AGAP1: variants seen among roughly 807,000 people sequenced by gnomAD.
AGAP1 encodes the protein arf-GAP with GTPase, ANK repeat and PH domain-containing protein 1.
In AGAP1, 29 loss-of-function variants were observed where a neutral mutation model predicts 105.3. That is an observed-to-expected ratio of 0.28 (90% CI 0.21 to 0.38). The LOEUF is 0.38. AGAP1 is among the 10% of genes least tolerant of loss of function. The probability of loss-of-function intolerance (pLI) is 1.00; values close to 1 mark genes in which losing one functional copy is unlikely to be tolerated. For synonymous variants in AGAP1, 509 were observed against 485.9 expected (o/e 1.05, Z -0.63); for missense variants, 998 against 1,165.1 (o/e 0.86, Z 2.09).
rs529191433 is a variant in AGAP1, at chr2:236,012,016, G to A, written c.1646-24545G>A. ...TCTTGTTGAGAAGCTTCTAAACAAG[G>A]GAACTTAGAGCAATCAATGCCCCCG... On this transcript the variant is annotated intron_variant, in intron 13 of 17. Coordinates refer to ENST00000304032, the MANE Select transcript of AGAP1 (RefSeq NM_001037131.3). The surrounding 1 kb of genome is among the most constrained non-coding windows in gnomAD (Gnocchi z 4.9). Among the ~76,000 whole-genome samples, 7 of 152,202 alleles carry A rather than the reference G, an allele frequency of 4.6e-5. No homozygotes were observed. The highest frequency in any genetic ancestry group is 1.3e-4 in the Admixed American group (2 of 15,286).
intron 1 of AGAP1, chr2:235,507,601 G>A (rs885539): frequency 0.61 from 93,063 of 151,868 alleles, 29,209 homozygotes; most frequent in South Asian, 0.72. Flanking sequence ...GCAGGACGCC[G>A]TGTTCAGGGC....
At chr2:235,668,665 C>T (rs937549669) in intron 1 of AGAP1, among the ~76,000 whole-genome samples, 3 of 152,202 alleles carry the variant, frequency 2.0e-5, no homozygotes, top group South Asian at 2.1e-4. Flanking sequence ...AATATTGTGG[C>T]CTCCGATAAC....
intron 7 of AGAP1, among the ~76,000 whole-genome samples, chr2:235,798,776 G>A (rs1047120293): frequency 6.6e-6 from 1 of 151,700 alleles, no homozygotes; most frequent in African/African-American, 2.4e-5. Context: ...GGCTGAGGTG[G>A]GGGGATCACC....
rs1446196686 is a variant in AGAP1 at position 236,020,599 on chromosome 2, C to A, written c.1646-15962C>A. On this transcript the variant is annotated intron_variant, in intron 13 of 17. Coordinates refer to ENST00000304032, the MANE Select transcript of AGAP1 (RefSeq NM_001037131.3). This position sits in a 1 kb window ranked among gnomAD's most constrained non-coding sequence, Gnocchi z 5.0. ...GTCCTTCCTCTCTGTTCTTTTCTTC[C>A]TCGCATGCAGACAATAAAACCTACC... Among the ~76,000 whole-genome samples, 1 of 152,124 alleles carries A rather than the reference C, an allele frequency of 6.6e-6. No homozygotes were observed. The highest frequency in any genetic ancestry group is 1.5e-5 in the Non-Finnish European group (1 of 68,038).
Position 235,908,324 on chromosome 2 carries a change from A to G in AGAP1, c.1156-414A>G, listed in dbSNP as rs2051406468. On this transcript the variant is annotated intron_variant, in intron 10 of 17. Coordinates refer to ENST00000304032, the MANE Select transcript of AGAP1 (RefSeq NM_001037131.3). The surrounding 1 kb of genome is among the most constrained non-coding windows in gnomAD (Gnocchi z 4.4). ...CTTCAGTCTTATCTAGATTTTAATG[A>G]TATTCCCATCTGAGACAGAAAGGTT... is the stretch of plus-strand genomic sequence containing the variant. Among the ~76,000 whole-genome samples the G allele has an allele frequency of 6.6e-6, 1 of 152,186 alleles. No individual in the cohort carries two copies. The highest frequency in any genetic ancestry group is 2.1e-4 in the South Asian group (1 of 4,832).
intron 6 of AGAP1, among the ~76,000 whole-genome samples, chr2:235,760,784 C>T (rs1044913757): frequency 1.3e-5 from 2 of 152,122 alleles, no homozygotes; most frequent in African/African-American, 4.8e-5. Flanking sequence ...ATGAGGGTCT[C>T]GATGTATTGC....
chr2:235,950,887 C>CT (rs200110792), intron 12 of AGAP1, among the ~76,000 whole-genome samples: 4,286 of 117,298 alleles, frequency 0.037, 537 homozygotes, highest in East Asian at 0.064. Context: ...TCTCCAAGCA[C>CT]TTTTTTTTTT....
intron 9 of AGAP1, among the ~76,000 whole-genome samples, chr2:235,829,281 T>C (rs1237491731): frequency 6.6e-6 from 1 of 152,236 alleles, no homozygotes. Context: ...CTGTGGCCGT[T>C]GTCAGAATTC....
rs143028275 is a variant in AGAP1 at position 235,630,514 on chromosome 2, G to A, written c.164-78665G>A. On this transcript the variant is annotated intron_variant, in intron 1 of 17. Transcript: ENST00000304032. The stretch of plus-strand genomic sequence containing the variant: ...GCGTGAGCCACCATGCCCGGCCCCT[G>A]TACATTGTTTTTTTAAAGATGTTTG... 7.2e-5 allele frequency among the ~76,000 whole-genome samples: 11 copies of A among 152,206 alleles called. No homozygotes were observed. The East Asian group carries it at 1.9e-3, about 27-fold the overall frequency.
intron 1 of AGAP1, among the ~76,000 whole-genome samples, chr2:235,571,170 C>T (rs1944500115): frequency 6.6e-6 from 1 of 152,180 alleles, no homozygotes; most frequent in African/African-American, 2.4e-5. Context: ...GGGGACGGTG[C>T]TCAGCCATTC....
At chr2:235,761,465 G>C (rs140234885) in intron 6 of AGAP1, among the ~76,000 whole-genome samples, 4 of 152,122 alleles carry the variant, frequency 2.6e-5, no homozygotes, top group Non-Finnish European at 5.9e-5. Flanking sequence ...CATAGAAAAT[G>C]GTTATTTTAA....
chr2:235,755,701 A>G (rs531999885), intron 6 of AGAP1, among the ~76,000 whole-genome samples: 10 of 152,276 alleles, frequency 6.6e-5, no homozygotes, highest in African/African-American at 2.4e-4. Flanking sequence ...TCGGCCTTCC[A>G]AAGTGCTGGG....
At chr2:235,628,885 C>G (rs539000596) in intron 1 of AGAP1, among the ~76,000 whole-genome samples, 1 of 152,198 alleles carries the variant, frequency 6.6e-6, no homozygotes, top group South Asian at 2.1e-4. Context: ...GATCTTGGCT[C>G]ACTGCAACCT....
Position 235,553,051 on chromosome 2 carries a change from C to G in AGAP1, c.163+58202C>G, listed in dbSNP as rs1943863673. The stretch of plus-strand genomic sequence containing the variant: ...CCCTAGCTGGGTGGTTCCTCTGAGC[C>G]TCTGCTTTATTTCATCTGCAAGTAG... On this transcript the variant is annotated intron_variant, in intron 1 of 17. Transcript: ENST00000304032. The surrounding 1 kb of genome is among the most constrained non-coding windows in gnomAD (Gnocchi z 4.5). 6.6e-6 allele frequency among the ~76,000 whole-genome samples: 1 copy of G among 152,222 alleles called. No individual in the cohort carries two copies. Among genetic ancestry groups the G allele is most frequent in the African/African-American group, 2.4e-5 (1 of 41,446 alleles).
At chr2:235,947,141 T>C (rs751769585) in intron 12 of AGAP1, among the ~76,000 whole-genome samples, 48 of 152,198 alleles carry the variant, frequency 3.2e-4, no homozygotes, top group African/African-American at 9.2e-4. Context: ...ATCAGTTCTT[T>C]AGCGCTGATT....
At chr2:235,589,193 T>TG (rs1553573623) in intron 1 of AGAP1, among the ~76,000 whole-genome samples, 3 of 51,256 alleles carry the variant, frequency 5.9e-5, no homozygotes, top group African/African-American at 1.1e-4. Flanking sequence ...CTTATTGTTT[T>TG]GTTTTTTTTT....
At position 236,123,779 on chromosome 2, in the gene AGAP1, G is replaced by C. The variant is rs1576358364; in HGVS notation, c.2371-140G>C. The C allele has an allele frequency of 9.5e-7, 1 of 1,049,934 alleles. No homozygotes were observed. The highest frequency in any genetic ancestry group is 2.6e-5 in the East Asian group (1 of 38,722). The allele number at this position is 1,049,934 out of a possible 1,614,324, so 65.0% of individuals were successfully genotyped here. On this transcript the variant is annotated intron_variant, in intron 17 of 17. Transcript: ENST00000304032. The surrounding 1 kb of genome is among the most constrained non-coding windows in gnomAD (Gnocchi z 4.6). ...CAGGCTGTGCCACCAGCACTGGATG[G>C]TCCTGGCACCCCAGCCAGTTGTGTA... is the stretch of plus-strand genomic sequence containing the variant.
At chr2:235,820,531 G>A (rs1053635559) in intron 9 of AGAP1, among the ~76,000 whole-genome samples, 8 of 152,164 alleles carry the variant, frequency 5.3e-5, no homozygotes, top group Non-Finnish European at 8.8e-5. Context: ...AATTCTTCAA[G>A]ATTAAACCCA....
rs146721071 is a variant in AGAP1 at position 235,784,427 on chromosome 2, T to G, written c.674-13332T>G. Among the ~76,000 whole-genome samples the G allele has an allele frequency of 3.8e-4, 58 of 152,332 alleles. 1 individual carries two copies. The East Asian group carries it at 0.01, about 27-fold the overall frequency. On this transcript the variant is annotated intron_variant, in intron 6 of 17. Transcript: ENST00000304032. ...AGATTCAAAATCAATCAGTATTCTC[T>G]GCTGAACTCTAATTAACACTTAACA...
Sources: gnomAD v4.1 joint callset for allele counts (sites outside exome capture counted in the v4.1 genomes callset) on GRCh38, gnomAD v4.1.1 for gene constraint, Gnocchi (gnomAD v3.1) non-coding constraint, MANE v1.5 for transcripts, NCBI Gene and HGNC (gene_info 2026-07-23, HGNC 2026-07-21) for gene names.